The following GHRH variants were observed in gnomAD, a reference collection of about 807,000 sequenced individuals.
GHRH encodes somatoliberin.
GHRH carries 7 observed loss-of-function variants against 15.6 expected under a neutral mutation model. That is an observed-to-expected ratio of 0.45 (90% CI 0.26 to 0.84). The LOEUF is 0.84. GHRH is among the 40% of genes least tolerant of loss of function. The pLI, the probability that GHRH is intolerant of heterozygous loss-of-function variation, is 0.18. For missense variants in GHRH, 117 were observed against 138.0 expected (o/e 0.85, Z 0.76); for synonymous variants, 54 against 50.4 (o/e 1.07, Z -0.30).
Position 37,258,344 on chromosome 20 carries a change from A to G in GHRH, c.-19-1436T>C, listed in dbSNP as rs1049303405. On this transcript the variant is annotated intron_variant, in intron 1 of 4. Transcript: ENST00000373614. This position sits in a 1 kb window ranked among gnomAD's most constrained non-coding sequence, Gnocchi z 4.1. ...GGCCAGCACCCCCGCCTTTCCCACA[A>G]TCTCCTCACATGGCTTCCTTCTCTC... Among the ~76,000 whole-genome samples the G allele has an allele frequency of 2.0e-5, 3 of 151,802 alleles. No individual in the cohort carries two copies. The highest frequency in any genetic ancestry group is 2.1e-4 in the South Asian group (1 of 4,802).
chr20:37,256,795 G>C lies in GHRH; in HGVS notation c.83+12C>G, dbSNP rs34758691. Reference sequence around the variant, plus strand: ...TTGGGAGTGGTGGGAACTTTCCCCAGGGTCTGCTTACCTGAGGGTCAAAGG... The same window carrying C: ...TTGGGAGTGGTGGGAACTTTCCCCACGGTCTGCTTACCTGAGGGTCAAAGG... On this transcript the variant is annotated intron_variant, in intron 2 of 4. Coordinates refer to ENST00000373614, the MANE Select transcript of GHRH (RefSeq NM_021081.6). The C allele has an allele frequency of 1.9e-3, 3,068 of 1,604,358 alleles. 49 individuals are homozygous for C. The African/African-American group carries it at 0.037, about 19-fold the overall frequency.
At chr20:37,252,901 T>C (rs2068630058) in intron 4 of GHRH, among the ~76,000 whole-genome samples, 1 of 152,226 alleles carries the variant, frequency 6.6e-6, no homozygotes, top group African/African-American at 2.4e-5. Context: ...CAGCCAGGCA[T>C]GGTGGCAGGC....
chr20:37,256,778 G>A (rs1374613766), intron 2 of GHRH, 29 bp downstream of exon 2: 7 of 1,553,740 alleles, frequency 4.5e-6, no homozygotes, highest in Non-Finnish European at 3.5e-6. Context: ...GCTTGGGAGT[G>A]GTGGGAACTT....
chr20:37,256,210 C>T lies in GHRH; in HGVS notation c.188+184G>A, dbSNP rs186286618. ...ACTGTCGGAGCCTAGCCTGAAGAGA[C>T]ACGTGGTAGGCATGGAGGTAAGTTG... On this transcript the variant is annotated intron_variant, in intron 3 of 4. Transcript: ENST00000373614. 1.4e-3 allele frequency among the ~76,000 whole-genome samples: 208 copies of T among 152,300 alleles called. 1 individual carries two copies. The highest frequency in any genetic ancestry group is 2.6e-3 in the Admixed American group (39 of 15,276).
At position 37,258,350 on chromosome 20, in the gene GHRH, T is replaced by TCAC. The variant is rs1569013279; in HGVS notation, c.-19-1445_-19-1443dup. ...CACCCCCGCCTTTCCCACAATCTCC[T>TCAC]CACATGGCTTCCTTCTCTCCCACTC... is the stretch of plus-strand genomic sequence containing the variant. On this transcript the variant is annotated intron_variant, in intron 1 of 4. Transcript: ENST00000373614. The surrounding 1 kb of genome is among the most constrained non-coding windows in gnomAD (Gnocchi z 4.1). 6.6e-6 allele frequency among the ~76,000 whole-genome samples: 1 copy of TCAC among 152,136 alleles called. No individual in the cohort carries two copies. The highest frequency in any genetic ancestry group is 1.9e-4 in the East Asian group (1 of 5,194).
chr20:37,252,634 G>A (rs1320106550), intron 4 of GHRH, among the ~76,000 whole-genome samples: 2 of 151,836 alleles, frequency 1.3e-5, no homozygotes, highest in South Asian at 2.1e-4. Context: ...CGGGCGTGGT[G>A]GCGGGTGCCT....
intron 2 of GHRH, 131 bp downstream of exon 2, chr20:37,256,676 G>T (rs1195319916): frequency 3.8e-6 from 3 of 786,722 alleles, no homozygotes; most frequent in African/African-American, 1.7e-5. Flanking sequence ...TCCTCTGCAA[G>T]GACGGGCAGT....
At chr20:37,252,544 A>C (rs2068627660) in intron 4 of GHRH, among the ~76,000 whole-genome samples, 1 of 152,188 alleles carries the variant, frequency 6.6e-6, no homozygotes, top group African/African-American at 2.4e-5. Flanking sequence ...TGGCAGGTGG[A>C]TCACCTGAGG....
chr20:37,257,027 G>A (rs1444065994), intron 1 of GHRH, 119 bp from the exon 2 acceptor site: 2 of 670,478 alleles, frequency 3.0e-6, no homozygotes, highest in African/African-American at 1.8e-5. Flanking sequence ...TGGAAGCTGT[G>A]GGATGGGAAA....
chr20:37,259,908 A>C lies in GHRH; in HGVS notation c.-20+1835T>G, dbSNP rs540644814. Among the ~76,000 whole-genome samples the C allele has an allele frequency of 3.9e-5, 6 of 152,214 alleles. No homozygotes were observed. In the East Asian group the frequency reaches 1.2e-3, roughly 29 times the overall value. On this transcript the variant is annotated intron_variant, in intron 1 of 4. Transcript: ENST00000373614. ...GCTCTATTCACAGTATTCCCCATTC[A>C]CAGGGATCCTCAGCCTCCATCACCT... is the stretch of plus-strand genomic sequence containing the variant.
intron 1 of GHRH, among the ~76,000 whole-genome samples, chr20:37,259,294 G>A (rs1042428324): frequency 1.3e-5 from 2 of 152,192 alleles, no homozygotes. Context: ...CTCAGACCAA[G>A]GCTCGGCAGG....
At chr20:37,257,547 T>C (rs2068664822) in intron 1 of GHRH, among the ~76,000 whole-genome samples, 1 of 149,358 alleles carries the variant, frequency 6.7e-6, no homozygotes. Context: ...ATAAATAGAA[T>C]AAATGGGATC....
At chr20:37,261,190 T>C (rs998286991) in intron 1 of GHRH, among the ~76,000 whole-genome samples, 7 of 152,156 alleles carry the variant, frequency 4.6e-5, no homozygotes, top group Non-Finnish European at 1.0e-4. Context: ...TCAGGACCAT[T>C]AAAGCAAGGA....
Position 37,258,107 on chromosome 20 carries a change from C to G in GHRH, c.-19-1199G>C, listed in dbSNP as rs1450402376. On this transcript the variant is annotated intron_variant, in intron 1 of 4. Coordinates refer to ENST00000373614, the MANE Select transcript of GHRH (RefSeq NM_021081.6). The surrounding 1 kb of genome is among the most constrained non-coding windows in gnomAD (Gnocchi z 4.1). ...GCATGCTCTGCAATTAGGGGAAAAA[C>G]AGCCAGCAGGGGACAGAGCCCGCCT... Among the ~76,000 whole-genome samples, 10 of 152,238 alleles carry G rather than the reference C, an allele frequency of 6.6e-5. No homozygotes were observed. The highest frequency in any genetic ancestry group is 6.5e-4 in the Admixed American group (10 of 15,286).
At chr20:37,257,532 T>A (rs972226987) in intron 1 of GHRH, among the ~76,000 whole-genome samples, 32 of 147,066 alleles carry the variant, frequency 2.2e-4, no homozygotes, top group South Asian at 1.3e-3. Context: ...AAAAAAAAAA[T>A]TTAAATAAAT....
chr20:37,254,571 G>C (rs2068644721), intron 3 of GHRH, among the ~76,000 whole-genome samples: 1 of 152,092 alleles, frequency 6.6e-6, no homozygotes, highest in African/African-American at 2.4e-5. Context: ...TTATAGAGGA[G>C]AAACCTAGCA....
chr20:37,255,136 G>A (rs2068647583), intron 3 of GHRH, among the ~76,000 whole-genome samples: 1 of 152,130 alleles, frequency 6.6e-6, no homozygotes, highest in Admixed American at 6.6e-5. Context: ...AATACTTAAT[G>A]TGCATATGTG....
At chr20:37,260,498 T>C (rs1488138727) in intron 1 of GHRH, among the ~76,000 whole-genome samples, 1 of 151,980 alleles carries the variant, frequency 6.6e-6, no homozygotes, top group African/African-American at 2.4e-5. Context: ...TGTGGGAGGA[T>C]TGCTTGAGCC....
Position 37,254,292 on chromosome 20 carries a change from C to G in GHRH, c.226G>C (p.Gly76Arg), listed in dbSNP as rs779771848. Reference protein sequence around the residue: ...NQERGARARLGRQVDSMWAEQ... With the variant: ...NQERGARARLRRQVDSMWAEQ... ...GCCCACATGCTGTCTACCTGACGAC[C>G]AAGCCGTGCCCTTGCTCCTCGCTCT... The change falls in exon 4 of 5, where the codon GGT becomes CGT. Residue 76 changes from glycine to arginine, a missense_variant. Coordinates refer to ENST00000373614, the MANE Select transcript of GHRH (RefSeq NM_021081.6). The G allele has an allele frequency of 6.0e-5, 97 of 1,614,100 alleles. No individual in the cohort carries two copies. The highest frequency in any genetic ancestry group is 8.1e-5 in the Non-Finnish European group (96 of 1,179,926).
Sources: gnomAD v4.1 joint callset for allele counts (sites outside exome capture counted in the v4.1 genomes callset) on GRCh38, gnomAD v4.1.1 for gene constraint, Gnocchi (gnomAD v3.1) non-coding constraint, MANE v1.5 for transcripts, NCBI Gene and HGNC (gene_info 2026-07-23, HGNC 2026-07-21) for gene names.